OTULINL: variants seen among roughly 807,000 people sequenced by gnomAD.
The protein encoded by OTULINL is inactive ubiquitin thioesterase OTULINL.
OTULINL carries 42 observed loss-of-function variants against 43.9 expected under a neutral mutation model. The observed-to-expected ratio is 0.96, with a 90% CI of 0.75 to 1.24. The LOEUF is 1.24. OTULINL is among the 50% of genes most tolerant of loss of function. OTULINL has a pLI of 0.00. For missense variants in OTULINL, 411 were observed against 426.4 expected (o/e 0.96, Z 0.32); for synonymous variants, 172 against 153.6 (o/e 1.12, Z -0.88).
intron 5 of OTULINL, among the ~76,000 whole-genome samples, chr5:14,604,233 C>G (rs1369662695): frequency 6.6e-6 from 1 of 152,118 alleles, no homozygotes; most frequent in Non-Finnish European, 1.5e-5. Flanking sequence ...TTTTGGGAGA[C>G]TATGATGGGA....
At chr5:14,609,854 G>C (rs1560968945) in intron 7 of OTULINL, among the ~76,000 whole-genome samples, 1 of 152,112 alleles carries the variant, frequency 6.6e-6, no homozygotes, top group African/African-American at 2.4e-5. Flanking sequence ...TCCTGACCTC[G>C]TGATCCGCCC....
At chr5:14,594,477 T>C (rs1209564489) in intron 1 of OTULINL, among the ~76,000 whole-genome samples, 1 of 152,198 alleles carries the variant, frequency 6.6e-6, no homozygotes, top group Non-Finnish European at 1.5e-5. Context: ...AGAGGTGACC[T>C]ACTGGGGAAT....
intron 7 of OTULINL, 107 bp downstream of exon 7, chr5:14,609,124 C>T: frequency 2.7e-6 from 3 of 1,123,932 alleles, no homozygotes; most frequent in South Asian, 3.1e-5. Context: ...AGCGATTGCA[C>T]AGAGGTGGTT....
At chr5:14,592,541 T>C (rs552441283) in intron 1 of OTULINL, among the ~76,000 whole-genome samples, 2 of 152,176 alleles carry the variant, frequency 1.3e-5, no homozygotes, top group Non-Finnish European at 2.9e-5. Context: ...TGAATTAAGA[T>C]TCAGCATTTG....
chr5:14,582,014 C>CG, intron 1 of OTULINL, 56 bp downstream of exon 1: 2 of 1,161,970 alleles, frequency 1.7e-6, no homozygotes. Flanking sequence ...ACCGTCAAGG[C>CG]GGGCGGGGTC....
chr5:14,605,412 G>A (rs955196222), intron 5 of OTULINL, among the ~76,000 whole-genome samples: 22 of 96,834 alleles, frequency 2.3e-4, no homozygotes, highest in Non-Finnish European at 3.7e-4. Context: ...GGGTGGGGGG[G>A]CGTGGTGCGG....
At chr5:14,583,648 G>A (rs1759056338) in intron 1 of OTULINL, among the ~76,000 whole-genome samples, 1 of 152,188 alleles carries the variant, frequency 6.6e-6, no homozygotes, top group Non-Finnish European at 1.5e-5. Flanking sequence ...CAGTTGGTGT[G>A]CAGCAGAGGA....
In OTULINL at chr5:14,581,813, G is replaced by C. The variant is rs1030638545; in HGVS notation, c.-82G>C. On this transcript the variant is annotated 5_prime_UTR_variant, in exon 1 of 8. Transcript: ENST00000274217. ...GCCCGCCTCAGGGAAGCGAGCCCGGGCGCCGGCGGGCGGCCGTCGCGTCTG... is the reference window on the plus strand; with the variant it reads ...GCCCGCCTCAGGGAAGCGAGCCCGGCCGCCGGCGGGCGGCCGTCGCGTCTG... The C allele has an allele frequency of 9.5e-6, 11 of 1,162,442 alleles. No individual in the cohort carries two copies. Among genetic ancestry groups the C allele is most frequent in the Non-Finnish European group, 8.8e-6 (8 of 911,230 alleles). 72.0% of individuals were successfully genotyped at this position (1,162,442 alleles called of 1,614,324 possible). A position where few individuals can be genotyped will look rare whatever the true frequency, so the allele number is the denominator to read the frequency against.
rs1246545248 is a variant in OTULINL, at chr5:14,607,395, G to A, written c.564G>A (p.Glu188=). ...NWIQQYSFGP[E]KYTGSNVFGK... ...TTCAGCAGTACAGTTTTGGTCCTGA[G>A]AAGTATACAGGCTCGAATGTGTTTG... The change falls in exon 6 of 8, where the codon GAG becomes GAA. Residue 188 remains glutamate, a synonymous_variant. Transcript: ENST00000274217. 1 of 1,614,188 alleles carries A rather than the reference G, an allele frequency of 6.2e-7. No individual in the cohort carries two copies. The highest frequency in any genetic ancestry group is 1.1e-5 in the South Asian group (1 of 91,084).
chr5:14,603,036 A>G (rs1206201009), intron 5 of OTULINL, among the ~76,000 whole-genome samples: 3 of 152,176 alleles, frequency 2.0e-5, no homozygotes, highest in Middle Eastern at 3.4e-3. Context: ...TTCTGTCCCT[A>G]TAGTTTTGCT....
At position 14,612,418 on chromosome 5, in the gene OTULINL, A is replaced by G. The variant is rs1409071152; in HGVS notation, c.*2104A>G. The G allele has an allele frequency of 6.6e-6, 1 of 152,236 alleles. No homozygotes were observed. The allele number at this position is 152,236 out of a possible 1,614,324, so 9.4% of individuals were successfully genotyped here. A position where few individuals can be genotyped will look rare whatever the true frequency, so the allele number is the denominator to read the frequency against. On this transcript the variant is annotated 3_prime_UTR_variant, in exon 8 of 8. Coordinates refer to ENST00000274217, the MANE Select transcript of OTULINL (RefSeq NM_019018.3). ...GTAGCTCTGTGACCTCAGTCAACCC[A>G]TCATGTTGTGTTGTGGGCGGGGGGC...
intron 1 of OTULINL, among the ~76,000 whole-genome samples, chr5:14,595,930 C>G (rs1759280172): frequency 6.6e-6 from 1 of 152,134 alleles, no homozygotes; most frequent in Admixed American, 6.5e-5. Context: ...TGTATGGTCT[C>G]ATTTCAGCCA....
At chr5:14,602,368 G>A (rs774274385) in intron 5 of OTULINL, 36 bp downstream of exon 5, 2 of 1,594,054 alleles carry the variant, frequency 1.3e-6, no homozygotes, top group South Asian at 2.2e-5. Context: ...GAAATGTCAT[G>A]TTGACAATAA....
At chr5:14,604,791 C>G (rs1161356879) in intron 5 of OTULINL, among the ~76,000 whole-genome samples, 1 of 152,226 alleles carries the variant, frequency 6.6e-6, no homozygotes, top group African/African-American at 2.4e-5. Flanking sequence ...ATATCCAGGT[C>G]ACACTGATGC....
chr5:14,607,251 G>C, intron 5 of OTULINL, 79 bp from the exon 6 acceptor site: 5 of 1,395,290 alleles, frequency 3.6e-6, no homozygotes, highest in Non-Finnish European at 4.9e-6. Flanking sequence ...AGATAAGGTT[G>C]TGTGCTGTGC....
intron 5 of OTULINL, among the ~76,000 whole-genome samples, chr5:14,605,369 T>C (rs1001132472): frequency 5.5e-5 from 8 of 144,254 alleles, no homozygotes; most frequent in Non-Finnish European, 1.1e-4. Flanking sequence ...GGAACTGCTT[T>C]TTGCTCCTAG....
rs114630989 is a variant in OTULINL, at chr5:14,602,284, C to T, written c.450C>T (p.Ser150=). 2 of 1,613,670 alleles carry T rather than the reference C, an allele frequency of 1.2e-6. No individual in the cohort carries two copies. Among genetic ancestry groups the T allele is most frequent in the African/African-American group, 1.3e-5 (1 of 75,010 alleles). Residue 150 remains serine, a synonymous_variant, in exon 5 of 8, where the codon AGC becomes AGT. Coordinates refer to ENST00000274217, the MANE Select transcript of OTULINL (RefSeq NM_019018.3). Reference sequence around the variant, plus strand: ...GATCAGTGTTATTTCAGATATTCAGCCAGGGCATCTCTTTTCCATCATGGA... The same window carrying T: ...GATCAGTGTTATTTCAGATATTCAGTCAGGGCATCTCTTTTCCATCATGGA... ...ALRSVLFQIF[S]QGISFPSWMK...
intron 1 of OTULINL, among the ~76,000 whole-genome samples, chr5:14,599,996 A>G (rs892966342): frequency 1.2e-4 from 18 of 152,206 alleles, no homozygotes; most frequent in African/African-American, 3.1e-4. Flanking sequence ...ATGGCATGCA[A>G]TGTTTCAAAA....
At position 14,601,378 on chromosome 5, in the gene OTULINL, A is replaced by T; in HGVS notation, c.284A>T (p.Asp95Val). The T allele has an allele frequency of 6.2e-7, 1 of 1,614,104 alleles. No homozygotes were observed. Among genetic ancestry groups the T allele is most frequent in the Non-Finnish European group, 8.5e-7 (1 of 1,180,010 alleles). Residue 95 changes from aspartate (D) to valine (V), a missense_variant, in exon 4 of 8, where the codon GAT (aspartate) becomes GTT (valine). Asp to Val is a radical substitution (Grantham distance 152). Coordinates refer to ENST00000274217, the MANE Select transcript of OTULINL (RefSeq NM_019018.3). Reference protein sequence around the residue: ...KRNLSVEAEVDLLSYCAREWK... With the variant: ...KRNLSVEAEVVLLSYCAREWK... Reference sequence around the variant, plus strand: ...AACCTCAGTGTGGAGGCAGAGGTTGATTTACTCAGTTATTGTGCAAGAGAA... The same window carrying T: ...AACCTCAGTGTGGAGGCAGAGGTTGTTTTACTCAGTTATTGTGCAAGAGAA...
Sources: allele counts gnomAD v4.1 joint callset (sites outside exome capture counted in the v4.1 genomes callset), GRCh38; gene constraint gnomAD v4.1.1; transcripts MANE v1.5; gene names NCBI Gene and HGNC (gene_info 2026-07-23, HGNC 2026-07-21).